The following NRXN1 variants were observed in gnomAD, a reference collection of about 807,000 sequenced individuals.
NRXN1 encodes the protein neurexin-1.
Under a neutral mutation model 150.9 loss-of-function variants are expected in NRXN1, and 39 were observed. The observed-to-expected ratio is 0.26, with a 90% CI of 0.20 to 0.34. The LOEUF (loss-of-function observed/expected upper bound fraction) is 0.34, where lower values mean the gene tolerates loss of function less well. Ranked by LOEUF, NRXN1 falls within the 10% of genes least tolerant of loss-of-function variation. The pLI, the probability that NRXN1 is intolerant of heterozygous loss-of-function variation, is 1.00. For missense variants in NRXN1, 1,815 were observed against 1,949.9 expected, an observed-to-expected ratio of 0.93 and a Z score of 1.30; for synonymous variants, 924 against 757.0, an observed-to-expected ratio of 1.22 and a Z score of -3.62.
At chr2:50,508,436 A>C (rs1196531400) in intron 12 of NRXN1, among the ~76,000 whole-genome samples, 1 of 152,148 alleles carries the variant, frequency 6.6e-6, no homozygotes, top group Non-Finnish European at 1.5e-5. Context: ...ACTCTTTCTA[A>C]ATTCAATAGT....
intron 2 of NRXN1, among the ~76,000 whole-genome samples, chr2:50,935,407 G>C (rs1160102566): frequency 6.6e-6 from 1 of 152,054 alleles, no homozygotes; most frequent in Non-Finnish European, 1.5e-5. Flanking sequence ...CCAATGAGAA[G>C]GCAAATAAAA....
intron 8 of NRXN1, among the ~76,000 whole-genome samples, chr2:50,578,447 A>T (rs775408970): frequency 2.6e-5 from 4 of 152,212 alleles, no homozygotes; most frequent in South Asian, 2.1e-4. Context: ...ATAGAATTGT[A>T]ATAAATAGTG....
intron 5 of NRXN1, among the ~76,000 whole-genome samples, chr2:50,710,775 C>A (rs1345754717): frequency 1.3e-5 from 2 of 152,070 alleles, no homozygotes; most frequent in Admixed American, 1.3e-4. Context: ...TGCTTCTCTG[C>A]TTTTTTTGGC....
At chr2:50,719,074 C>A (rs2105104652) in intron 5 of NRXN1, among the ~76,000 whole-genome samples, 1 of 151,150 alleles carries the variant, frequency 6.6e-6, no homozygotes, top group South Asian at 2.1e-4. Flanking sequence ...ATTGTGAATG[C>A]ACTAAAACAC....
At chr2:50,768,009 G>T (rs2105429066) in intron 5 of NRXN1, among the ~76,000 whole-genome samples, 1 of 152,090 alleles carries the variant, frequency 6.6e-6, no homozygotes, top group South Asian at 2.1e-4. Context: ...ATCATATTCT[G>T]CATTTGTTGA....
chr2:50,445,360 A>C (rs1474330142), intron 17 of NRXN1, among the ~76,000 whole-genome samples: 1 of 152,224 alleles, frequency 6.6e-6, no homozygotes, highest in Non-Finnish European at 1.5e-5. Context: ...TATACCTAAC[A>C]AATGTAGATA....
At chr2:50,954,797 G>A (rs959804840) in intron 2 of NRXN1, among the ~76,000 whole-genome samples, 3 of 152,170 alleles carry the variant, frequency 2.0e-5, no homozygotes, top group East Asian at 1.9e-4. Flanking sequence ...CTTCACAGAC[G>A]TCCTTATTAC....
At chr2:50,310,665 T>G (rs955032583) in intron 17 of NRXN1, among the ~76,000 whole-genome samples, 5 of 152,300 alleles carry the variant, frequency 3.3e-5, no homozygotes, top group South Asian at 2.1e-4. Flanking sequence ...CTACTGTTAT[T>G]GGAGAACATT....
chr2:50,492,922 A>C (rs369446574), intron 15 of NRXN1, among the ~76,000 whole-genome samples: 1 of 32,460 alleles, frequency 3.1e-5, no homozygotes, highest in African/African-American at 1.8e-4. Flanking sequence ...CTTTAAAAAG[A>C]AAGATGCCTG....
At chr2:50,482,324 A>G (rs999235433) in intron 15 of NRXN1, among the ~76,000 whole-genome samples, 1 of 152,174 alleles carries the variant, frequency 6.6e-6, no homozygotes, top group Non-Finnish European at 1.5e-5. Context: ...GAGTTCAGGG[A>G]TATAAATCCA....
At chr2:50,590,961 A>G (rs1404994935) in intron 8 of NRXN1, among the ~76,000 whole-genome samples, 3 of 152,160 alleles carry the variant, frequency 2.0e-5, no homozygotes, top group African/African-American at 7.2e-5. Context: ...CTGATTGAAA[A>G]TGTTATGTTC....
intron 5 of NRXN1, among the ~76,000 whole-genome samples, chr2:50,742,607 C>CAAAAAAAAAAAAAAAAAAAA (rs376431319): frequency 1.4e-5 from 1 of 69,866 alleles, no homozygotes; most frequent in Admixed American, 1.7e-4. Context: ...GACTCCGTCT[C>CAAAAAAAAAAAAAAAAAAAA]AAAAAAAAAA....
rs1036381194 is a variant in NRXN1 at position 50,918,674 on chromosome 2, G to A, written c.832+3195C>T. 1.4e-5 allele frequency: 5 copies of A among 353,196 alleles called. No individual in the cohort carries two copies. The Admixed American group carries it at 1.4e-4, about 10-fold the overall frequency. The allele number at this position is 353,196 out of a possible 1,614,324, so 21.9% of individuals were successfully genotyped here. A position where few individuals can be genotyped will look rare whatever the true frequency, so the allele number is the denominator to read the frequency against. ...TAAATAAACAATCAAAGCAATTATT[G>A]GAATGAAGTGACCAGTTACACATAC... On this transcript the variant is annotated intron_variant, in intron 5 of 22. Coordinates refer to ENST00000401669, the MANE Select transcript of NRXN1 (RefSeq NM_001330078.2).
At chr2:50,540,086 C>G (rs780302092) in intron 9 of NRXN1, among the ~76,000 whole-genome samples, 46 of 152,266 alleles carry the variant, frequency 3.0e-4, no homozygotes, top group Non-Finnish European at 5.1e-4. Flanking sequence ...ATGGAAGCCA[C>G]TGACAAAGAC....
chr2:50,276,509 G>A (rs2070492308), intron 17 of NRXN1, among the ~76,000 whole-genome samples: 1 of 152,162 alleles, frequency 6.6e-6, no homozygotes, highest in Admixed American at 6.6e-5. Flanking sequence ...TATTAAGTCT[G>A]TGCTAGGATC....
At chr2:50,399,198 C>T (rs2103910582) in intron 17 of NRXN1, among the ~76,000 whole-genome samples, 1 of 151,854 alleles carries the variant, frequency 6.6e-6, no homozygotes, top group Non-Finnish European at 1.5e-5. Flanking sequence ...GGGAAATGGC[C>T]ACTCCTAAAT....
chr2:50,863,900 C>G (rs1676500088), intron 5 of NRXN1, among the ~76,000 whole-genome samples: 1 of 151,966 alleles, frequency 6.6e-6, no homozygotes, highest in Admixed American at 6.6e-5. Context: ...AGATAGGAAA[C>G]TTTTTTGTCT....
intron 17 of NRXN1, among the ~76,000 whole-genome samples, chr2:50,456,882 G>A (rs1337961310): frequency 6.6e-6 from 1 of 151,902 alleles, no homozygotes. Context: ...ACTGTATAAA[G>A]AATAAACTCA....
intron 22 of NRXN1, among the ~76,000 whole-genome samples, chr2:49,928,976 A>G (rs1669642480): frequency 6.6e-6 from 1 of 152,114 alleles, no homozygotes; most frequent in African/African-American, 2.4e-5. Context: ...TTTAGAAAGA[A>G]CTTGGAAATC....
Sources: gnomAD v4.1 joint callset for allele counts (sites outside exome capture counted in the v4.1 genomes callset) on GRCh38, gnomAD v4.1.1 for gene constraint, MANE v1.5 for transcripts, NCBI Gene and HGNC (gene_info 2026-07-23, HGNC 2026-07-21) for gene names.